LATS1: variants seen among roughly 807,000 people sequenced by gnomAD.
LATS1 encodes the protein serine/threonine-protein kinase LATS1.
Under a neutral mutation model 106.6 loss-of-function variants are expected in LATS1, and 25 were observed. The ratio of observed to expected loss-of-function variants is 0.23; its 90% CI spans 0.17 to 0.33. The LOEUF is 0.33. LATS1 is among the 10% of genes least tolerant of loss of function. LATS1 has a pLI of 1.00. For missense variants in LATS1, 1,040 were observed against 1,382.6 expected, an observed-to-expected ratio of 0.75 and a Z score of 3.93; for synonymous variants, 465 against 455.6, an observed-to-expected ratio of 1.02 and a Z score of -0.26.
chr6:149,692,892 T>G (rs1311579441), intron 3 of LATS1, among the ~76,000 whole-genome samples: 1 of 151,938 alleles, frequency 6.6e-6, no homozygotes, highest in Non-Finnish European at 1.5e-5. Context: ...CTGGCTGGTC[T>G]CTAACTCCCG....
At chr6:149,671,911 CAG>C (rs1468305798) in intron 7 of LATS1, among the ~76,000 whole-genome samples, 1 of 151,196 alleles carries the variant, frequency 6.6e-6, no homozygotes, top group Non-Finnish European at 1.5e-5. Context: ...TTTTTTGAGA[CAG>C]AGTCTCACTC....
chr6:149,685,471 C>T (rs998121210), intron 3 of LATS1, among the ~76,000 whole-genome samples: 3 of 152,000 alleles, frequency 2.0e-5, no homozygotes, highest in African/African-American at 4.8e-5. Flanking sequence ...CTGCAACCTC[C>T]GTCTCCCGGG....
At position 149,662,194 on chromosome 6, in the gene LATS1, T is replaced by G; in HGVS notation, c.2928A>C (p.Lys976Asn). 1 of 1,613,000 alleles carries G rather than the reference T, an allele frequency of 6.2e-7. No individual in the cohort carries two copies. The highest frequency in any genetic ancestry group is 8.5e-7 in the Non-Finnish European group (1 of 1,179,918). The stretch of plus-strand genomic sequence containing the variant: ...TAAGATCAGAAGCTTCAGGACTGAG[T>G]TTAGCTTGTGGTGGAATGTGAAGAG... Reference protein sequence around the residue: ...QTSLHIPPQAKLSPEASDLII... With the variant: ...QTSLHIPPQANLSPEASDLII... Residue 976 changes from lysine (K) to asparagine (N), a missense_variant, in exon 8 of 8, where the codon AAA becomes AAC. By Grantham distance (94) the Lys-to-Asn change is moderately conservative. Coordinates refer to ENST00000543571, the MANE Select transcript of LATS1 (RefSeq NM_004690.4).
chr6:149,716,233 T>C (rs1784383811), intron 1 of LATS1: 1 of 152,214 alleles, frequency 6.6e-6, no homozygotes, highest in African/African-American at 2.4e-5. Context: ...AGTGCACCTG[T>C]AGTCCCAGCT....
intron 4 of LATS1, among the ~76,000 whole-genome samples, chr6:149,681,169 A>G (rs964480328): frequency 2.6e-5 from 4 of 152,222 alleles, no homozygotes; most frequent in African/African-American, 9.6e-5. Context: ...AGTGTGACTC[A>G]TGAAAATATC....
At chr6:149,692,848 A>G (rs1782844469) in intron 3 of LATS1, among the ~76,000 whole-genome samples, 1 of 151,844 alleles carries the variant, frequency 6.6e-6, no homozygotes, top group Non-Finnish European at 1.5e-5. Flanking sequence ...CTAATTTTGT[A>G]TTTTTAGTAG....
intron 5 of LATS1, among the ~76,000 whole-genome samples, chr6:149,677,662 G>A (rs1335004055): frequency 6.6e-6 from 1 of 152,148 alleles, no homozygotes; most frequent in Non-Finnish European, 1.5e-5. Context: ...GGCCATTTCT[G>A]GAGAGAGAGA....
intron 3 of LATS1, among the ~76,000 whole-genome samples, chr6:149,689,147 G>A (rs1012916345): frequency 2.0e-5 from 3 of 151,576 alleles, no homozygotes; most frequent in Non-Finnish European, 2.9e-5. Flanking sequence ...CAGTCTGGGC[G>A]ACAGAGCAAA....
intron 1 of LATS1, among the ~76,000 whole-genome samples, chr6:149,704,887 TAC>T (rs57029776): frequency 0.37 from 51,702 of 139,508 alleles, 11,266 homozygotes; most frequent in Non-Finnish European, 0.49. Context: ...AAATTAATTA[TAC>T]ACACACACAC....
intron 7 of LATS1, among the ~76,000 whole-genome samples, chr6:149,672,314 A>G (rs1307443860): frequency 6.6e-6 from 1 of 151,202 alleles, no homozygotes; most frequent in Non-Finnish European, 1.5e-5. Context: ...GGTTCAAGTG[A>G]TTCTCCTCCC....
Position 149,684,294 on chromosome 6 carries a change from G to A in LATS1, c.795C>T (p.Pro265=). 1 of 1,614,048 alleles carries A rather than the reference G, an allele frequency of 6.2e-7. No homozygotes were observed. Among genetic ancestry groups the A allele is most frequent in the Non-Finnish European group, 8.5e-7 (1 of 1,179,990 alleles). Residue 265 remains proline, a synonymous_variant, in exon 4 of 8, where the codon CCC becomes CCT. Transcript: ENST00000543571. ...TTTGAGAGTTTGGTTCCCATGAAGG[G>A]GGAGGTGGAGTTGTACCTCTTGGAG... ...TPPPRGTTPP[P]PSWEPNSQTK... is the part of the protein sequence containing the mutation.
intron 1 of LATS1, among the ~76,000 whole-genome samples, chr6:149,716,869 T>G (rs925556890): frequency 3.3e-5 from 5 of 152,212 alleles, no homozygotes; most frequent in Admixed American, 6.5e-5. Context: ...GCACAGAACA[T>G]TCACTCCAAT....
intron 3 of LATS1, among the ~76,000 whole-genome samples, chr6:149,688,453 C>G (rs575128908): frequency 6.6e-6 from 1 of 151,948 alleles, no homozygotes; most frequent in East Asian, 1.9e-4. Flanking sequence ...GGATTACAGG[C>G]GCCCACCACC....
At chr6:149,705,193 T>C (rs1347017643) in intron 1 of LATS1, among the ~76,000 whole-genome samples, 3 of 152,198 alleles carry the variant, frequency 2.0e-5, no homozygotes, top group Admixed American at 1.3e-4. Flanking sequence ...GAAATTAGGA[T>C]GGACATACCA....
In LATS1 at chr6:149,684,085, G is replaced by C. The variant is rs1582877569; in HGVS notation, c.1004C>G (p.Ser335Cys). ...CCCTGATGGAAAGTTAAATTTGCTAGAACTCTGCATGATGATTGGTTGTCT... is the reference window on the plus strand; with the variant it reads ...CCCTGATGGAAAGTTAAATTTGCTACAACTCTGCATGATGATTGGTTGTCT... ...VGRQPIIMQS[S>C]SKFNFPSGRP... Residue 335 changes from serine (S) to cysteine (C), a missense_variant, in exon 4 of 8, where the codon TCT becomes TGT. Around this residue, in one of 7 missense-constraint regions of LATS1, gnomAD observed 624 missense variants for 714.8 expected, o/e 0.87. Transcript: ENST00000543571. 1 of 1,614,182 alleles carries C rather than the reference G, an allele frequency of 6.2e-7. No homozygotes were observed. The highest frequency in any genetic ancestry group is 1.1e-5 in the South Asian group (1 of 91,072).
intron 4 of LATS1, among the ~76,000 whole-genome samples, chr6:149,682,408 CTTTT>C (rs1307385970): frequency 1.1e-4 from 16 of 149,116 alleles, no homozygotes; most frequent in East Asian, 5.9e-4. Flanking sequence ...CCACGTATTT[CTTTT>C]TTCTTTTTTT....
In LATS1 at chr6:149,683,543, G is replaced by T. The variant is rs778912523; in HGVS notation, c.1546C>A (p.His516Asn). ...ATTGGCTGTGGTATCCAAGAAGGGTGTGTAGGTGCTAAAGCAGTCTGTAGC... is the reference window on the plus strand; with the variant it reads ...ATTGGCTGTGGTATCCAAGAAGGGTTTGTAGGTGCTAAAGCAGTCTGTAGC... ...PELQTALAPT[H>N]PSWIPQPIQT... The change falls in exon 4 of 8, where the codon CAC becomes AAC. Residue 516 changes from histidine to asparagine, a missense_variant. Physicochemically the swap from His to Asn is moderately conservative, Grantham distance 68. This residue lies in a region of LATS1 where 624 missense variants were observed against 714.8 expected (regional missense o/e 0.87). Transcript: ENST00000543571. 5.0e-6 allele frequency: 8 copies of T among 1,614,132 alleles called. No individual in the cohort carries two copies. The African/African-American group carries it at 1.1e-4, about 22-fold the overall frequency.
At chr6:149,714,823 A>G (rs1481600417) in intron 1 of LATS1, among the ~76,000 whole-genome samples, 1 of 152,206 alleles carries the variant, frequency 6.6e-6, no homozygotes, top group Non-Finnish European at 1.5e-5. Context: ...TAAGGCTGAG[A>G]CTCAAACTTT....
intron 3 of LATS1, among the ~76,000 whole-genome samples, chr6:149,691,239 T>A (rs1782732485): frequency 6.6e-6 from 1 of 152,114 alleles, no homozygotes; most frequent in East Asian, 1.9e-4. Context: ...GACATGGAGA[T>A]GGAGACCCCA....
Sources: gnomAD v4.1 joint callset for allele counts (sites outside exome capture counted in the v4.1 genomes callset) on GRCh38, gnomAD v4.1.1 for gene constraint, gnomAD v4.1.1 regional missense constraint, MANE v1.5 for transcripts, NCBI Gene and HGNC (gene_info 2026-07-23, HGNC 2026-07-21) for gene names.